The following ARMC2 variants were observed in gnomAD, a reference collection of about 807,000 sequenced individuals.
The protein encoded by ARMC2 is armadillo repeat containing 2.
A neutral mutation model predicts 90.3 loss-of-function variants in ARMC2; 67 were observed. The ratio of observed to expected loss-of-function variants is 0.74; its 90% confidence interval spans 0.61 to 0.91. The LOEUF (loss-of-function observed/expected upper bound fraction) is 0.91, where lower values mean the gene tolerates loss of function less well. Ranked by LOEUF, ARMC2 falls within the 40% of genes least tolerant of loss-of-function variation. ARMC2 has a pLI of 0.00. For synonymous variants in ARMC2, 393 were observed against 393.0 expected, an observed-to-expected ratio of 1.00 and a Z score of 0.00; for missense variants, 920 against 1,030.9, an observed-to-expected ratio of 0.89 and a Z score of 1.47.
chr6:108,978,068 C>T (rs1030781871), downstream of ARMC2, among the ~76,000 whole-genome samples: 1 of 152,088 alleles, frequency 6.6e-6, no homozygotes, highest in Non-Finnish European at 1.5e-5. Flanking sequence ...TCTTGTTTCT[C>T]TAGTTCTTTT....
At chr6:108,849,024 T>C (rs1215815719) in intron 1 of ARMC2, among the ~76,000 whole-genome samples, 10 of 152,122 alleles carry the variant, frequency 6.6e-5, no homozygotes, top group Non-Finnish European at 5.9e-5. Flanking sequence ...ATGAGAGTGG[T>C]AGACTAAGGG....
rs181929009 is a variant in ARMC2, at chr6:108,969,533, G to C, written c.2447-3824G>C. On this transcript the variant is annotated intron_variant, in intron 17 of 17. Coordinates refer to ENST00000392644, the MANE Select transcript of ARMC2 (RefSeq NM_032131.6). ...CTAAATAAGCACTTTTCACACTGCA[G>C]GTCAGGAAAACAATTTAGTTGGTTG... Among the ~76,000 whole-genome samples the C allele has an allele frequency of 2.9e-4, 44 of 152,218 alleles. No homozygotes were observed. The East Asian group carries it at 7.7e-3, about 27-fold the overall frequency.
chr6:108,977,632 C>CT (rs1562447199), downstream of ARMC2, among the ~76,000 whole-genome samples: 1 of 152,084 alleles, frequency 6.6e-6, no homozygotes, highest in East Asian at 1.9e-4. Context: ...TGGTCCTGGG[C>CT]TTTTTTTGGT....
At chr6:108,934,287 T>C (rs990579890) in intron 11 of ARMC2, among the ~76,000 whole-genome samples, 1 of 152,244 alleles carries the variant, frequency 6.6e-6, no homozygotes, top group Non-Finnish European at 1.5e-5. Flanking sequence ...ATAAATCATA[T>C]TTACCTGAAT....
rs534134058 is a variant in ARMC2 at position 108,973,418 on chromosome 6, T to C, written c.2508T>C (p.His836=). The C allele has an allele frequency of 2.4e-5, 38 of 1,613,766 alleles. No individual in the cohort carries two copies. In the Admixed American group the frequency reaches 2.7e-4, roughly 11 times the overall value. ...ACCTAAAAAACTATCACAAACTCCA[T>C]TGGGAAACAGAATTCAAACCTGTGG... is the stretch of plus-strand genomic sequence containing the variant. The part of the protein sequence containing the change: ...DPDLKNYHKL[H]WETEFKPVAQ... Residue 836 remains histidine (H), a synonymous_variant, in exon 18 of 18, where the codon CAT becomes CAC. Coordinates refer to ENST00000392644, the MANE Select transcript of ARMC2 (RefSeq NM_032131.6).
chr6:109,023,299 C>T, the ARMC2 span, among the ~76,000 whole-genome samples: 2 of 152,188 alleles, frequency 1.3e-5, no homozygotes, highest in Non-Finnish European at 2.9e-5. Context: ...TCATTAAGGA[C>T]ACATTATCAT....
chr6:108,901,442 G>A (rs1286549053), intron 7 of ARMC2, among the ~76,000 whole-genome samples: 1 of 138,062 alleles, frequency 7.2e-6, no homozygotes, highest in Non-Finnish European at 1.5e-5. Flanking sequence ...TTGAGACAGA[G>A]TCTTGCTCTG....
intron 4 of ARMC2, among the ~76,000 whole-genome samples, chr6:108,871,311 T>C (rs1776390360): frequency 6.6e-6 from 1 of 152,156 alleles, no homozygotes; most frequent in African/African-American, 2.4e-5. Flanking sequence ...CAATGTGATG[T>C]AGGTTTTTTC....
At chr6:108,855,042 C>T (rs911331702) in intron 2 of ARMC2, among the ~76,000 whole-genome samples, 3 of 152,108 alleles carry the variant, frequency 2.0e-5, no homozygotes, top group Non-Finnish European at 4.4e-5. Context: ...TTTAAGTTTC[C>T]TCCATGATTT....
At chr6:108,970,494 C>CTTTTTTTTTTTTTTTTTTTTT (rs1156823883) in intron 17 of ARMC2, among the ~76,000 whole-genome samples, 2 of 117,342 alleles carry the variant, frequency 1.7e-5, no homozygotes, top group African/African-American at 3.0e-5. Flanking sequence ...CTTCTCTTTT[C>CTTTTTTTTTTTTTTTTTTTTT]TTTTTTTTTT....
intron 4 of ARMC2, 137 bp from the exon 5 acceptor site, chr6:108,876,006 A>G (rs1776893001): frequency 2.5e-6 from 2 of 789,172 alleles, no homozygotes; most frequent in Non-Finnish European, 4.0e-6. Context: ...GGCTTTGGCC[A>G]TAAAATTCCA....
chr6:108,904,126 C>A, intron 7 of ARMC2, 104 bp from the exon 8 acceptor site: 2 of 1,312,150 alleles, frequency 1.5e-6, no homozygotes, highest in Non-Finnish European at 2.1e-6. Flanking sequence ...TGAAGATATC[C>A]AAGGAAATAA....
chr6:109,020,647 G>A, the ARMC2 span, among the ~76,000 whole-genome samples: 14 of 151,978 alleles, frequency 9.2e-5, no homozygotes, highest in Admixed American at 3.9e-4. Flanking sequence ...AGAGAAGAAG[G>A]TTTTCAGAGG....
chr6:108,915,441 G>T (rs1217617611), intron 10 of ARMC2, among the ~76,000 whole-genome samples: 1 of 152,074 alleles, frequency 6.6e-6, no homozygotes, highest in Non-Finnish European at 1.5e-5. Context: ...AGAACCTCAG[G>T]AGCTTTGGCC....
intron 15 of ARMC2, among the ~76,000 whole-genome samples, chr6:108,963,239 AG>A (rs1172234639): frequency 6.6e-6 from 1 of 152,196 alleles, no homozygotes; most frequent in Non-Finnish European, 1.5e-5. Flanking sequence ...CTCAAATATT[AG>A]TATACTTTGA....
intron 12 of ARMC2, among the ~76,000 whole-genome samples, chr6:108,945,035 TAG>T (rs1001211761): frequency 4.6e-5 from 7 of 152,156 alleles, no homozygotes; most frequent in African/African-American, 1.7e-4. Flanking sequence ...AGCTAAACTT[TAG>T]AGTTAGGTAA....
At chr6:109,029,586 G>A in the ARMC2 span, among the ~76,000 whole-genome samples, 3 of 152,098 alleles carry the variant, frequency 2.0e-5, no homozygotes, top group Non-Finnish European at 4.4e-5. Flanking sequence ...ACCCAGGCTG[G>A]AGTGCAGTGG....
the ARMC2 span, among the ~76,000 whole-genome samples, chr6:108,981,296 A>G: frequency 6.6e-6 from 1 of 152,142 alleles, no homozygotes; most frequent in African/African-American, 2.4e-5. Flanking sequence ...AAGCTGGACC[A>G]TTTGGAACCA....
At chr6:109,044,887 G>A in the ARMC2 span, among the ~76,000 whole-genome samples, 1 of 152,126 alleles carries the variant, frequency 6.6e-6, no homozygotes, top group African/African-American at 2.4e-5. Flanking sequence ...GCTGAGCGTG[G>A]TGGCGCATGC....
Sources: allele counts gnomAD v4.1 joint callset (sites outside exome capture counted in the v4.1 genomes callset), GRCh38; gene constraint gnomAD v4.1.1; transcripts MANE v1.5; gene names NCBI Gene and HGNC (gene_info 2026-07-23, HGNC 2026-07-21).